Variants in IRF6 observed in about 807,000 individuals in gnomAD.
IRF6 encodes the protein interferon regulatory factor 6.
A neutral mutation model predicts 51.4 loss-of-function variants in IRF6; 6 were observed. That is an observed-to-expected ratio of 0.12 (90% CI 0.06 to 0.23). IRF6 has a LOEUF of 0.23. Ranked by LOEUF, IRF6 falls within the 10% of genes least tolerant of loss-of-function variation. IRF6 has a pLI of 1.00. For synonymous variants in IRF6, 178 were observed against 215.7 expected, an observed-to-expected ratio of 0.83 and a Z score of 1.53; for missense variants, 348 against 585.2, an observed-to-expected ratio of 0.59 and a Z score of 4.18.
rs2077833883 is a variant in IRF6 at position 209,786,392 on chromosome 1, C to G, written c.*2028G>C. On this transcript the variant is annotated 3_prime_UTR_variant, in exon 9 of 9. Transcript: ENST00000367021. Reference sequence around the variant, plus strand: ...ACTTTTCCAATACCCTTTACCAGCTCACATTATCTGGGCTCCCACCCAGGC... The same window carrying G: ...ACTTTTCCAATACCCTTTACCAGCTGACATTATCTGGGCTCCCACCCAGGC... 1 of 152,158 alleles carries G rather than the reference C, an allele frequency of 6.6e-6. No individual in the cohort carries two copies. The highest frequency in any genetic ancestry group is 1.5e-5 in the Non-Finnish European group (1 of 68,028). The allele number at this position is 152,158 out of a possible 1,614,324, so 9.4% of individuals were successfully genotyped here. A position where few individuals can be genotyped will look rare whatever the true frequency, so the allele number is the denominator to read the frequency against.
At position 209,790,424 on chromosome 1, in the gene IRF6, G is replaced by A. The variant is rs932922247; in HGVS notation, c.1060+71C>T. ...ATGCCAGGAAAGCAGGAAGGTGAAA[G>A]ACAGGGATAGTGGAAGGAATGTACT... On this transcript the variant is annotated intron_variant, in intron 7 of 8. Transcript: ENST00000367021. The surrounding 1 kb of genome is among the most constrained non-coding windows in gnomAD (Gnocchi z 4.8). 3 of 1,540,346 alleles carry A rather than the reference G, an allele frequency of 1.9e-6. No homozygotes were observed. Among genetic ancestry groups the A allele is most frequent in the Non-Finnish European group, 2.7e-6 (3 of 1,115,280 alleles).
chr1:209,805,046 G>A (rs1234584004), intron 1 of IRF6, among the ~76,000 whole-genome samples: 1 of 152,048 alleles, frequency 6.6e-6, no homozygotes, highest in Admixed American at 6.5e-5. Context: ...GGAAGCTGGG[G>A]GATGGCGAAT....
At chr1:209,794,002 T>C (rs1283045698) in intron 5 of IRF6, among the ~76,000 whole-genome samples, 3 of 152,232 alleles carry the variant, frequency 2.0e-5, no homozygotes, top group Admixed American at 6.5e-5. Flanking sequence ...TTCCATGTCT[T>C]TGCTATTGTG....
In IRF6 at chr1:209,796,167, G is replaced by A. The variant is rs1249940744; in HGVS notation, c.379+181C>T. On this transcript the variant is annotated intron_variant, in intron 4 of 8. Coordinates refer to ENST00000367021, the MANE Select transcript of IRF6 (RefSeq NM_006147.4). The surrounding 1 kb of genome is among the most constrained non-coding windows in gnomAD (Gnocchi z 4.5). ...ACCAGGTTAAAAAACATTCCCCTAA[G>A]TAAGCAAGATTTTGCTGAGTCTGCA... 6.6e-6 allele frequency among the ~76,000 whole-genome samples: 1 copy of A among 152,216 alleles called. No individual in the cohort carries two copies. The highest frequency in any genetic ancestry group is 1.5e-5 in the Non-Finnish European group (1 of 68,036).
At chr1:209,794,367 A>C (rs987720052) in intron 5 of IRF6, among the ~76,000 whole-genome samples, 6 of 152,210 alleles carry the variant, frequency 3.9e-5, no homozygotes, top group Non-Finnish European at 8.8e-5. Flanking sequence ...ATCTCTATGA[A>C]ACTTCTCTTT....
chr1:209,801,425 G>C lies in IRF6; in HGVS notation c.-3-9C>G, dbSNP rs760001361. The C allele has an allele frequency of 2.7e-5, 42 of 1,564,618 alleles. No individual in the cohort carries two copies. The highest frequency in any genetic ancestry group is 3.5e-5 in the Non-Finnish European group (41 of 1,159,040). The stretch of plus-strand genomic sequence containing the variant: ...GGGTGGAGGGCCATGATCTGGGGGG[G>C]TCAGAGGGAGAAATGGGAAGAGCAG... On this transcript the variant is annotated splice_polypyrimidine_tract_variant and intron_variant, in intron 2 of 8. Coordinates refer to ENST00000367021, the MANE Select transcript of IRF6 (RefSeq NM_006147.4).
At position 209,803,324 on chromosome 1, in the gene IRF6, GT is replaced by G. The variant is rs1435128535; in HGVS notation, c.-75-1282del. Among the ~76,000 whole-genome samples the G allele has an allele frequency of 4.6e-5, 7 of 152,306 alleles. No individual in the cohort carries two copies. The East Asian group carries it at 1.4e-3, about 29-fold the overall frequency. On this transcript the variant is annotated intron_variant, in intron 1 of 8. Coordinates refer to ENST00000367021, the MANE Select transcript of IRF6 (RefSeq NM_006147.4). Reference sequence around the variant, plus strand: ...TTTGAGAATTTCCATTGCAATACTGGTAAGTGCTGTGTTTGGGCCTGTCAGA... The same window carrying G: ...TTTGAGAATTTCCATTGCAATACTGGAAGTGCTGTGTTTGGGCCTGTCAGA...
At chr1:209,792,750 CA>C (rs756939668) in intron 5 of IRF6, 5 of 358,222 alleles carry the variant, frequency 1.4e-5, no homozygotes, top group Non-Finnish European at 2.6e-5. Context: ...AATTTGGCCC[CA>C]GCAATTAAAT....
chr1:209,800,477 C>G (rs992970190), intron 3 of IRF6, among the ~76,000 whole-genome samples: 2 of 152,166 alleles, frequency 1.3e-5, no homozygotes, highest in Non-Finnish European at 2.9e-5. Flanking sequence ...GAAAAGCTTG[C>G]CAGGTGCAGT....
At chr1:209,802,601 G>A (rs1024389523) in intron 1 of IRF6, among the ~76,000 whole-genome samples, 1 of 152,172 alleles carries the variant, frequency 6.6e-6, no homozygotes, top group Non-Finnish European at 1.5e-5. Context: ...CAAGCACGGT[G>A]TTAGTTACTA....
chr1:209,791,534 T>C (rs762176291), intron 6 of IRF6, among the ~76,000 whole-genome samples: 2 of 152,206 alleles, frequency 1.3e-5, no homozygotes, highest in African/African-American at 4.8e-5. Context: ...TGATTCGTCA[T>C]TGAGATAAAT....
intron 3 of IRF6, among the ~76,000 whole-genome samples, chr1:209,797,115 G>A (rs1422879557): frequency 6.6e-6 from 1 of 152,108 alleles, no homozygotes; most frequent in Non-Finnish European, 1.5e-5. Context: ...GCTCATGCCT[G>A]TAATCCCAGC....
Position 209,796,685 on chromosome 1 carries a change from C to G in IRF6, c.175-133G>C. ...CACACACACACACACACAACTTTTG[C>G]ATGACTGCCCCATCATCCCAACCCC... is the stretch of plus-strand genomic sequence containing the variant. On this transcript the variant is annotated intron_variant, in intron 3 of 8. Coordinates refer to ENST00000367021, the MANE Select transcript of IRF6 (RefSeq NM_006147.4). This position sits in a 1 kb window ranked among gnomAD's most constrained non-coding sequence, Gnocchi z 4.5. 2.9e-6 allele frequency: 2 copies of G among 697,110 alleles called. No individual in the cohort carries two copies. The highest frequency in any genetic ancestry group is 5.0e-6 in the Non-Finnish European group (2 of 401,766). The allele number at this position is 697,110 out of a possible 1,614,324, so 43.2% of individuals were successfully genotyped here.
chr1:209,799,327 C>A (rs535256524), intron 3 of IRF6, among the ~76,000 whole-genome samples: 1 of 152,206 alleles, frequency 6.6e-6, no homozygotes, highest in African/African-American at 2.4e-5. Flanking sequence ...CAAATCCTAC[C>A]CCCACCACTT....
In IRF6 at chr1:209,795,398, A is replaced by G. The variant is rs767120501; in HGVS notation, c.400T>C (p.Trp134Arg). 1.2e-5 allele frequency: 20 copies of G among 1,614,034 alleles called. No individual in the cohort carries two copies. The African/African-American group carries it at 2.1e-4, about 17-fold the overall frequency. Residue 134 changes from tryptophan (W) to arginine (R), a missense_variant, in exon 5 of 9, where the codon TGG (tryptophan) becomes CGG (arginine). Trp to Arg is a moderately radical substitution (Grantham distance 101). Transcript: ENST00000367021. ...TCCACATCATTATCCTTCTCATCCCAGGGAGCAGACCCTGTGGATCCTACC... is the reference window on the plus strand; with the variant it reads ...TCCACATCATTATCCTTCTCATCCCGGGGAGCAGACCCTGTGGATCCTACC... ...INPGSTGSAP[W>R]DEKDNDVDEE...
rs2077904101 is a variant in IRF6 at position 209,796,677 on chromosome 1, A to AC, written c.175-126_175-125insG. Reference sequence around the variant, plus strand: ...CACACACACACACACACACACACACAACTTTTGCATGACTGCCCCATCATC... The same window carrying AC: ...CACACACACACACACACACACACACACACTTTTGCATGACTGCCCCATCATC... On this transcript the variant is annotated intron_variant, in intron 3 of 8. Coordinates refer to ENST00000367021, the MANE Select transcript of IRF6 (RefSeq NM_006147.4). The surrounding 1 kb of genome is among the most constrained non-coding windows in gnomAD (Gnocchi z 4.5). 2.2e-5 allele frequency: 17 copies of AC among 763,066 alleles called. No individual in the cohort carries two copies. Among genetic ancestry groups the AC allele is most frequent in the South Asian group, 7.7e-5 (5 of 64,662 alleles). The allele number at this position is 763,066 out of a possible 1,614,324, so 47.3% of individuals were successfully genotyped here.
chr1:209,789,524 C>T (rs2077856012), intron 8 of IRF6, 143 bp downstream of exon 8: 1 of 737,598 alleles, frequency 1.4e-6, no homozygotes, highest in Admixed American at 1.8e-5. Context: ...AGTCCTACTG[C>T]ACAAACCTGA....
At position 209,790,909 on chromosome 1, in the gene IRF6, TGA is replaced by T; in HGVS notation, c.668-24_668-23del. 6.2e-7 allele frequency: 1 copy of T among 1,612,088 alleles called. No homozygotes were observed. Among genetic ancestry groups the T allele is most frequent in the South Asian group, 1.1e-5 (1 of 90,994 alleles). On this transcript the variant is annotated intron_variant, in intron 6 of 8. Coordinates refer to ENST00000367021, the MANE Select transcript of IRF6 (RefSeq NM_006147.4). The surrounding 1 kb of genome is among the most constrained non-coding windows in gnomAD (Gnocchi z 4.8). ...GTCACTGCAAGGTTAGAGATGACAG[TGA>T]GAGTCCTGCTTCACTGCTCTGCCTG...
chr1:209,792,572 C>A, intron 5 of IRF6, 145 bp from the exon 6 acceptor site: 1 of 774,232 alleles, frequency 1.3e-6, no homozygotes, highest in South Asian at 1.6e-5. Context: ...CAGTGATTCC[C>A]ATAACTAACG....
Sources: allele counts gnomAD v4.1 joint callset (sites outside exome capture counted in the v4.1 genomes callset), GRCh38; gene constraint gnomAD v4.1.1; non-coding constraint Gnocchi (gnomAD v3.1); transcripts MANE v1.5; gene names NCBI Gene and HGNC (gene_info 2026-07-23, HGNC 2026-07-21).